Variants in GALNT16 observed in about 807,000 individuals in gnomAD.
GALNT16 encodes polypeptide N-acetylgalactosaminyltransferase 16, also known as UDP-GalNAc:polypeptide N-acetylgalactosaminyltransferase-like protein 1.
A neutral mutation model predicts 76.1 loss-of-function variants in GALNT16; 40 were observed. The ratio of observed to expected loss-of-function variants is 0.53; its 90% CI spans 0.41 to 0.68. GALNT16 has a LOEUF of 0.68. Ranked by LOEUF, GALNT16 falls within the 30% of genes least tolerant of loss-of-function variation. GALNT16 has a pLI of 0.00. For missense variants in GALNT16, 621 were observed against 731.9 expected (o/e 0.85, Z 1.75); for synonymous variants, 276 against 285.2 (o/e 0.97, Z 0.32).
intron 1 of GALNT16, among the ~76,000 whole-genome samples, chr14:69,268,658 G>A (rs909093511): frequency 6.7e-6 from 1 of 150,190 alleles, no homozygotes; most frequent in Admixed American, 6.7e-5. Context: ...GCTCTCAAGG[G>A]GCTCATATTC....
chr14:69,339,475 TA>T lies in GALNT16; in HGVS notation c.1095-50del. The T allele has an allele frequency of 4.7e-6, 5 of 1,059,152 alleles. No homozygotes were observed. In the South Asian group the frequency reaches 6.2e-5, roughly 13 times the overall value. The allele number at this position is 1,059,152 out of a possible 1,614,324, so 65.6% of individuals were successfully genotyped here. On this transcript the variant is annotated intron_variant, in intron 10 of 14. Transcript: ENST00000448469. ...ATCGATTAATCTTGATCCTGACCGC[TA>T]ACCCTGTTGCTTCCCTGGTGACCTT...
intron 7 of GALNT16, among the ~76,000 whole-genome samples, chr14:69,332,865 C>T (rs2045371190): frequency 6.8e-6 from 1 of 147,766 alleles, no homozygotes; most frequent in South Asian, 2.1e-4. Flanking sequence ...CCCCAGCTGA[C>T]ATAGTCTCCA....
In GALNT16 at chr14:69,347,156, C is replaced by T. The variant is rs2045576292; in HGVS notation, c.1388C>T (p.Ser463Phe). 1 of 1,612,204 alleles carries T rather than the reference C, an allele frequency of 6.2e-7. No homozygotes were observed. Among genetic ancestry groups the T allele is most frequent in the Admixed American group, 1.7e-5 (1 of 59,910 alleles). Residue 463 changes from serine (S) to phenylalanine (F), a missense_variant, in exon 13 of 15, where the codon TCT becomes TTT. Transcript: ENST00000448469. ...CTTGGAATGGGGATCTGCAGAGGGT[C>T]TGCCAAGAACCCGCAGCCCGCCCAG... Reference protein sequence around the residue: ...FLLGMGICRGSAKNPQPAQAW... With the variant: ...FLLGMGICRGFAKNPQPAQAW...
chr14:69,346,474 G>T (rs912162604), intron 12 of GALNT16, among the ~76,000 whole-genome samples: 2 of 152,156 alleles, frequency 1.3e-5, no homozygotes, highest in African/African-American at 4.8e-5. Flanking sequence ...TCACCAGGAA[G>T]GTGTGAGAAG....
At chr14:69,267,780 C>T (rs1189685380) in intron 1 of GALNT16, among the ~76,000 whole-genome samples, 2 of 152,004 alleles carry the variant, frequency 1.3e-5, no homozygotes, top group Non-Finnish European at 2.9e-5. Flanking sequence ...CAGTCCCACT[C>T]CCTGGACCTT....
At chr14:69,339,912 T>C (rs1292138233) in intron 11 of GALNT16, among the ~76,000 whole-genome samples, 1 of 152,248 alleles carries the variant, frequency 6.6e-6, no homozygotes, top group Non-Finnish European at 1.5e-5. Flanking sequence ...AGGAGGGGGC[T>C]GCCTGCAGAA....
intron 1 of GALNT16, among the ~76,000 whole-genome samples, chr14:69,272,158 C>G (rs1421295582): frequency 6.6e-6 from 1 of 151,924 alleles, no homozygotes; most frequent in African/African-American, 2.4e-5. Flanking sequence ...GTCAGGAGTT[C>G]AAGACCAGCC....
At chr14:69,284,565 G>A (rs7140574) in intron 1 of GALNT16, among the ~76,000 whole-genome samples, 60,987 of 152,068 alleles carry the variant, frequency 0.4, 12,866 homozygotes, top group East Asian at 0.62. Flanking sequence ...CACCTGCTTC[G>A]GTACAGGAAC....
chr14:69,380,228 A>T, the GALNT16 span: 1 of 190,778 alleles, frequency 5.2e-6, no homozygotes, highest in East Asian at 1.2e-4. Flanking sequence ...AAGGGTTAGT[A>T]TGTGAATGTT....
At chr14:69,340,909 C>A (rs2045477733) in intron 11 of GALNT16, among the ~76,000 whole-genome samples, 1 of 152,166 alleles carries the variant, frequency 6.6e-6, no homozygotes, top group African/African-American at 2.4e-5. Context: ...TAGTTATCTC[C>A]TACTTAAGCT....
rs112587960 is a variant in GALNT16, at chr14:69,353,317, C to A, written c.*1149C>A. On this transcript the variant is annotated 3_prime_UTR_variant, in exon 15 of 15. Coordinates refer to ENST00000448469, the MANE Select transcript of GALNT16 (RefSeq NM_001168368.2). ...TTAGGGCTCAACCTCACCCTTATTCCCCTCCCTACTACAGGAGGGATTTTC... is the reference window on the plus strand; with the variant it reads ...TTAGGGCTCAACCTCACCCTTATTCACCTCCCTACTACAGGAGGGATTTTC... 1 of 152,122 alleles carries A rather than the reference C, an allele frequency of 6.6e-6. No homozygotes were observed. Among genetic ancestry groups the A allele is most frequent in the Non-Finnish European group, 1.5e-5 (1 of 68,046 alleles). 9.4% of individuals were successfully genotyped at this position (152,122 alleles called of 1,614,324 possible). A position where few individuals can be genotyped will look rare whatever the true frequency, so the allele number is the denominator to read the frequency against.
At position 69,341,773 on chromosome 14, in the gene GALNT16, A is replaced by G. The variant is rs2045489902; in HGVS notation, c.1271+9A>G. On this transcript the variant is annotated intron_variant, in intron 12 of 14. Transcript: ENST00000448469. ...GTCTACCCAGAGCTCACGTGAGTGC[A>G]GCCCTCATCTTGTGCATCCCCCAGG... The G allele has an allele frequency of 6.2e-7, 1 of 1,602,010 alleles. No individual in the cohort carries two copies. The highest frequency in any genetic ancestry group is 1.3e-5 in the African/African-American group (1 of 74,686).
At chr14:69,307,798 A>G (rs1358656641) in intron 1 of GALNT16, among the ~76,000 whole-genome samples, 1 of 152,204 alleles carries the variant, frequency 6.6e-6, no homozygotes, top group Non-Finnish European at 1.5e-5. Context: ...CCAATTGCCC[A>G]TGTGCCTAAG....
intron 11 of GALNT16, among the ~76,000 whole-genome samples, chr14:69,340,200 A>G (rs1240044847): frequency 2.0e-5 from 3 of 152,170 alleles, no homozygotes; most frequent in South Asian, 2.1e-4. Flanking sequence ...TTGTGGGTGC[A>G]TGTGTGTGCA....
intron 2 of GALNT16, among the ~76,000 whole-genome samples, chr14:69,322,925 G>GTGT (rs1555400138): frequency 6.7e-5 from 7 of 103,778 alleles, no homozygotes; most frequent in East Asian, 8.0e-4. Context: ...TGGCTCACGG[G>GTGT]GTGTGTGTGT....
the GALNT16 span, among the ~76,000 whole-genome samples, chr14:69,365,792 G>A: frequency 6.3e-4 from 95 of 151,072 alleles, no homozygotes; most frequent in African/African-American, 2.2e-3. Context: ...AGAAAAAAAA[G>A]AAAACACTGC....
intron 1 of GALNT16, chr14:69,298,748 C>T (rs992229290): frequency 4.6e-5 from 7 of 152,568 alleles, no homozygotes; most frequent in Non-Finnish European, 1.0e-4. Flanking sequence ...TTGCTAGTGG[C>T]TTTACTGGGT....
At chr14:69,367,717 T>C in the GALNT16 span, among the ~76,000 whole-genome samples, 3 of 148,676 alleles carry the variant, frequency 2.0e-5, no homozygotes, top group East Asian at 6.0e-4. Flanking sequence ...CAGCTCACAC[T>C]TATAATCCTA....
chr14:69,325,946 C>T lies in GALNT16; in HGVS notation c.503-16C>T, dbSNP rs2045277669. On this transcript the variant is annotated splice_polypyrimidine_tract_variant and intron_variant, in intron 4 of 14. Coordinates refer to ENST00000448469, the MANE Select transcript of GALNT16 (RefSeq NM_001168368.2). ...CCCATGTCTAAATGAGCTTGCCTTC[C>T]TCTTTGCATCCTCAGCGGAAGACTG... 1 of 1,611,262 alleles carries T rather than the reference C, an allele frequency of 6.2e-7. No homozygotes were observed. Among genetic ancestry groups the T allele is most frequent in the Non-Finnish European group, 8.5e-7 (1 of 1,177,544 alleles).
Sources: gnomAD v4.1 joint callset for allele counts (sites outside exome capture counted in the v4.1 genomes callset) on GRCh38, gnomAD v4.1.1 for gene constraint, MANE v1.5 for transcripts, NCBI Gene and HGNC (gene_info 2026-07-23, HGNC 2026-07-21) for gene names.